CCDC62: variants seen among roughly 807,000 people sequenced by gnomAD.
CCDC62 encodes the protein coiled-coil domain containing 62, also known as coiled-coil domain-containing protein 62.
In CCDC62, 72 loss-of-function variants were observed where a neutral mutation model predicts 80.8. The observed-to-expected ratio is 0.89, with a 90% CI of 0.74 to 1.08. The LOEUF (loss-of-function observed/expected upper bound fraction) is 1.08, where lower values mean the gene tolerates loss of function less well. Ranked by LOEUF, CCDC62 falls within the 50% of genes least tolerant of loss-of-function variation. The pLI is 0.00. For synonymous variants in CCDC62, 286 were observed against 296.5 expected (o/e 0.96, Z 0.36); for missense variants, 704 against 809.4 (o/e 0.87, Z 1.58).
Position 122,786,661 on chromosome 12 carries a change from G to A in CCDC62, c.498+841G>A, listed in dbSNP as rs552062373. 4.6e-5 allele frequency among the ~76,000 whole-genome samples: 7 copies of A among 152,122 alleles called. No individual in the cohort carries two copies. In the South Asian group the frequency reaches 6.2e-4, roughly 14 times the overall value. On this transcript the variant is annotated intron_variant, in intron 4 of 12. Transcript: ENST00000253079. ...TTTTCAAGTGATTGGGGCAAGTGCT[G>A]TTAAAATTAAAGAGAAAGGCCGGGC...
At chr12:122,824,950 G>T (rs1461296315) in intron 12 of CCDC62, among the ~76,000 whole-genome samples, 1 of 151,852 alleles carries the variant, frequency 6.6e-6, no homozygotes, top group African/African-American at 2.4e-5. Flanking sequence ...GCTGGGTTTG[G>T]TGGTGCATGC....
rs2032641996 is a variant in CCDC62, at chr12:122,826,582, G to C, written c.*201G>C. 2 of 621,126 alleles carry C rather than the reference G, an allele frequency of 3.2e-6. No homozygotes were observed. The highest frequency in any genetic ancestry group is 5.8e-6 in the Non-Finnish European group (2 of 343,572). The allele number at this position is 621,126 out of a possible 1,614,324, so 38.5% of individuals were successfully genotyped here. On this transcript the variant is annotated 3_prime_UTR_variant, in exon 13 of 13. Coordinates refer to ENST00000253079, the MANE Select transcript of CCDC62 (RefSeq NM_201435.5). The stretch of plus-strand genomic sequence containing the variant: ...TTAAACATCTACACTTCATTTTCAA[G>C]TTAACCATTTTTGTGCTGAAGAAAT...
rs2031300780 is a variant in CCDC62 at position 122,801,454 on chromosome 12, A to G, written c.1308A>G (p.Lys436=). The G allele has an allele frequency of 3.1e-6, 5 of 1,614,104 alleles. No homozygotes were observed. The highest frequency in any genetic ancestry group is 4.2e-6 in the Non-Finnish European group (5 of 1,180,008). ...GCAAGATCCACACAAAATCACCAAA[A>G]TGTCATGGCACTGGGGTTCAGAACG... ...TLCKIHTKSP[K]CHGTGVQNEG... is the part of the protein sequence containing the mutation. Residue 436 remains lysine, a synonymous_variant, in exon 9 of 13, where the codon AAA becomes AAG. Transcript: ENST00000253079.
intron 11 of CCDC62, among the ~76,000 whole-genome samples, chr12:122,820,607 G>A (rs1326331874): frequency 6.6e-6 from 1 of 152,124 alleles, no homozygotes; most frequent in African/African-American, 2.4e-5. Context: ...ACTTTGGGAG[G>A]CCCAGGCAGG....
intron 8 of CCDC62, among the ~76,000 whole-genome samples, chr12:122,800,650 CT>C (rs1417277846): frequency 6.6e-6 from 1 of 152,140 alleles, no homozygotes; most frequent in African/African-American, 2.4e-5. Flanking sequence ...GGGTCTCGAA[CT>C]CCTGACCTCA....
chr12:122,813,556 T>C (rs1364264054), intron 11 of CCDC62, 137 bp downstream of exon 11: 1 of 760,202 alleles, frequency 1.3e-6, no homozygotes, highest in African/African-American at 1.8e-5. Context: ...AAAGGGAACA[T>C]GCTTGTTTTA....
chr12:122,808,280 G>C (rs2031710587), intron 10 of CCDC62, among the ~76,000 whole-genome samples: 1 of 152,078 alleles, frequency 6.6e-6, no homozygotes, highest in Non-Finnish European at 1.5e-5. Context: ...CTGGGTGACA[G>C]AGCGAGATTC....
chr12:122,823,208 A>G (rs2604851), intron 11 of CCDC62, among the ~76,000 whole-genome samples, 158 bp from the exon 12 acceptor site: 145,060 of 152,196 alleles, frequency 0.95, 69,180 homozygotes, highest in East Asian at 0.98. Context: ...TGATCCGCCC[A>G]CCCTGGCCTC....
At chr12:122,820,213 A>T (rs186571235) in intron 11 of CCDC62, among the ~76,000 whole-genome samples, 37 of 152,262 alleles carry the variant, frequency 2.4e-4, no homozygotes, top group African/African-American at 7.7e-4. Flanking sequence ...CTCAGTTTAT[A>T]CCTGTTTTTA....
At chr12:122,806,403 C>CA in intron 10 of CCDC62, 108 bp downstream of exon 10, 1 of 582,484 alleles carries the variant, frequency 1.7e-6, no homozygotes, top group Non-Finnish European at 2.5e-6. Flanking sequence ...GCTATTCCTC[C>CA]GTTTTTTTTT....
chr12:122,817,200 C>T (rs1454832459), intron 11 of CCDC62, among the ~76,000 whole-genome samples: 2 of 145,492 alleles, frequency 1.4e-5, no homozygotes, highest in Admixed American at 7.2e-5. Flanking sequence ...TACAGGCACC[C>T]GCCACCACGC....
At chr12:122,816,304 C>T (rs972648462) in intron 11 of CCDC62, among the ~76,000 whole-genome samples, 19 of 152,200 alleles carry the variant, frequency 1.2e-4, no homozygotes, top group African/African-American at 4.3e-4. Flanking sequence ...AATGACAAAA[C>T]TATTTTGGTG....
intron 10 of CCDC62, among the ~76,000 whole-genome samples, chr12:122,811,179 TAAATA>T (rs1411160251): frequency 2.7e-5 from 4 of 148,678 alleles, no homozygotes; most frequent in Non-Finnish European, 5.9e-5. Context: ...TAATAAAAAA[TAAATA>T]AATAAATAAA....
chr12:122,815,602 A>G lies in CCDC62; in HGVS notation c.2001+2183A>G, dbSNP rs1355162573. Among the ~76,000 whole-genome samples the G allele has an allele frequency of 2.0e-5, 3 of 151,930 alleles. No individual in the cohort carries two copies. The East Asian group carries it at 5.8e-4, about 29-fold the overall frequency. On this transcript the variant is annotated intron_variant, in intron 11 of 12. Transcript: ENST00000253079. ...GCTGGGACTACAGGCGCCCGCCACC[A>G]CACCCGGCTAATTTTTTGCATTTTT... is the stretch of plus-strand genomic sequence containing the variant.
At chr12:122,820,938 T>C (rs1285473428) in intron 11 of CCDC62, among the ~76,000 whole-genome samples, 1 of 151,756 alleles carries the variant, frequency 6.6e-6, no homozygotes, top group Non-Finnish European at 1.5e-5. Context: ...GAAGCACCCT[T>C]GGGTGCCCCT....
chr12:122,782,595 A>C (rs1397123953), intron 3 of CCDC62, among the ~76,000 whole-genome samples: 1 of 151,958 alleles, frequency 6.6e-6, no homozygotes, highest in East Asian at 2.0e-4. Context: ...AGTAGCTGGG[A>C]TTACAGGCAT....
At chr12:122,778,866 G>A (rs979792143) in intron 2 of CCDC62, among the ~76,000 whole-genome samples, 1 of 151,586 alleles carries the variant, frequency 6.6e-6, no homozygotes, top group African/African-American at 2.4e-5. Flanking sequence ...GCGACAGAGC[G>A]AGACTCCGTC....
chr12:122,808,507 T>C (rs1283130970), intron 10 of CCDC62, among the ~76,000 whole-genome samples: 1 of 152,020 alleles, frequency 6.6e-6, no homozygotes, highest in Non-Finnish European at 1.5e-5. Context: ...CTAGCTCATA[T>C]GGTAGGTGTA....
intron 7 of CCDC62, 99 bp downstream of exon 7, chr12:122,797,494 AT>A: frequency 1.5e-6 from 1 of 673,570 alleles, no homozygotes; most frequent in Middle Eastern, 2.5e-4. Context: ...TTAATTGGTG[AT>A]TTGGAATCCT....
Sources: allele counts gnomAD v4.1 joint callset (sites outside exome capture counted in the v4.1 genomes callset), GRCh38; gene constraint gnomAD v4.1.1; transcripts MANE v1.5; gene names NCBI Gene and HGNC (gene_info 2026-07-23, HGNC 2026-07-21).